DPP6: variants seen among roughly 807,000 people sequenced by gnomAD.
The protein encoded by DPP6 is dipeptidyl peptidase like 6, also known as A-type potassium channel modulatory protein DPP6.
A neutral mutation model predicts 122.6 loss-of-function variants in DPP6; 69 were observed. The ratio of observed to expected loss-of-function variants is 0.56; its 90% CI spans 0.46 to 0.69. DPP6 has a LOEUF of 0.69. DPP6 is among the 30% of genes least tolerant of loss of function. The pLI is 0.00. For synonymous variants in DPP6, 418 were observed against 433.1 expected (o/e 0.97, Z 0.43); for missense variants, 928 against 1,116.9 (o/e 0.83, Z 2.41).
intron 21 of DPP6, chr7:154,884,790 T>G (rs947243215): frequency 1.4e-4 from 21 of 152,166 alleles, no homozygotes; most frequent in Non-Finnish European, 2.1e-4. Flanking sequence ...TGCTCACATA[T>G]GCACACACTC....
intron 1 of DPP6, among the ~76,000 whole-genome samples, chr7:154,210,170 C>T (rs1208846262): frequency 6.6e-6 from 1 of 152,168 alleles, no homozygotes; most frequent in Non-Finnish European, 1.5e-5. Context: ...CCTCCTTGTC[C>T]AGCCAAGGGG....
chr7:153,967,619 T>C (rs1376255878), intron 1 of DPP6, among the ~76,000 whole-genome samples: 4 of 152,148 alleles, frequency 2.6e-5, no homozygotes, highest in Non-Finnish European at 5.9e-5. Context: ...ACAAAGCTCG[T>C]GTCCAACCTA....
At position 154,575,784 on chromosome 7, in the gene DPP6, T is replaced by C. The variant is rs922195254; in HGVS notation, c.627+8868T>C. Reference sequence around the variant, plus strand: ...TATGTGTGGTGTGTGTATGTATGTGTGGTGTGTGTATCTGTGTGTTTGTGT... The same window carrying C: ...TATGTGTGGTGTGTGTATGTATGTGCGGTGTGTGTATCTGTGTGTTTGTGT... On this transcript the variant is annotated intron_variant, in intron 5 of 25. Transcript: ENST00000377770. Among the ~76,000 whole-genome samples the C allele has an allele frequency of 6.8e-3, 1,021 of 151,126 alleles. 13 individuals are homozygous for C. The highest frequency in any genetic ancestry group is 0.022 in the African/African-American group (893 of 41,150).
chr7:154,880,971 C>T (rs1197673174), intron 21 of DPP6, 29 bp downstream of exon 21: 2 of 1,612,456 alleles, frequency 1.2e-6, no homozygotes, highest in Non-Finnish European at 1.7e-6. Context: ...GGTCTGAAAA[C>T]CCCTCAGTTC....
intron 7 of DPP6, among the ~76,000 whole-genome samples, chr7:154,707,176 G>A (rs1053755008): frequency 2.0e-5 from 3 of 152,210 alleles, no homozygotes; most frequent in African/African-American, 7.2e-5. Flanking sequence ...GCGGTCCTCT[G>A]TGGTAAGGAT....
At chr7:154,809,242 G>T (rs1272540825) in intron 16 of DPP6, among the ~76,000 whole-genome samples, 2 of 151,388 alleles carry the variant, frequency 1.3e-5, no homozygotes, top group African/African-American at 4.9e-5. Context: ...CAAATACAGG[G>T]TTTCTTTTTT....
rs1413820241 is a variant in DPP6, at chr7:154,661,853, CCA to C, written c.681-7506_681-7505del. ...ATGGTGAATCACCATGGCATATTGG[CCA>C]TAGTGTTCATATAGTCATGGTGAAT... On this transcript the variant is annotated intron_variant, in intron 6 of 25. Coordinates refer to ENST00000377770, the MANE Select transcript of DPP6 (RefSeq NM_130797.4). Among the ~76,000 whole-genome samples the C allele has an allele frequency of 2.5e-4, 37 of 145,898 alleles. 1 individual carries two copies. Among genetic ancestry groups the C allele is most frequent in the African/African-American group, 8.4e-4 (31 of 37,090 alleles).
chr7:154,235,288 T>C (rs2150860105), intron 1 of DPP6, among the ~76,000 whole-genome samples: 1 of 152,314 alleles, frequency 6.6e-6, no homozygotes, highest in Admixed American at 6.5e-5. Flanking sequence ...GTTTTCTTCA[T>C]CTGACTTCTT....
At chr7:154,359,558 C>A (rs182050049) in intron 1 of DPP6, among the ~76,000 whole-genome samples, 1 of 152,168 alleles carries the variant, frequency 6.6e-6, no homozygotes, top group African/African-American at 2.4e-5. Context: ...TGCTCATTTT[C>A]ATTTCTCCTC....
At chr7:153,777,349 A>G in the DPP6 span, among the ~76,000 whole-genome samples, 3 of 150,356 alleles carry the variant, frequency 2.0e-5, no homozygotes, top group Admixed American at 2.0e-4. Context: ...AATGTTAAAC[A>G]TGTATCTCCC....
At chr7:154,779,108 C>CCA (rs1796838767) in intron 10 of DPP6, among the ~76,000 whole-genome samples, 1 of 346 alleles carries the variant, frequency 2.9e-3, no homozygotes, top group African/African-American at 0.011. Context: ...CACCACCACC[C>CCA]CCACCATCAC....
intron 2 of DPP6, among the ~76,000 whole-genome samples, chr7:154,465,149 G>T (rs1821672252): frequency 6.6e-6 from 1 of 152,170 alleles, no homozygotes; most frequent in African/African-American, 2.4e-5. Flanking sequence ...AAAACCATGG[G>T]TAAGGAGGGG....
rs199759171 is a variant in DPP6 at position 154,565,512 on chromosome 7, CA to C, written c.553-1329del. 7.4e-3 allele frequency among the ~76,000 whole-genome samples: 1,120 copies of C among 152,184 alleles called. 18 individuals are homozygous for C. The highest frequency in any genetic ancestry group is 0.025 in the African/African-American group (1,043 of 41,506). ...ATGAGAAAACTAAGGTGCAGAGGAC[CA>C]TAATATGATGTCACTTTTTTTTTCT... On this transcript the variant is annotated intron_variant, in intron 4 of 25. Transcript: ENST00000377770.
chr7:154,372,429 G>A (rs533580780), intron 1 of DPP6, among the ~76,000 whole-genome samples: 4 of 152,246 alleles, frequency 2.6e-5, no homozygotes, highest in Admixed American at 6.5e-5. Flanking sequence ...CCCCCAACAC[G>A]CAGTGCCTGT....
In DPP6 at chr7:153,891,468, A is replaced by T. The variant is rs551673880; in HGVS notation, c.51+3734A>T. Among the ~76,000 whole-genome samples the T allele has an allele frequency of 1.4e-4, 22 of 152,276 alleles. No individual in the cohort carries two copies. In the South Asian group the frequency reaches 4.1e-3, roughly 29 times the overall value. On this transcript the variant is annotated intron_variant, in intron 1 of 25. Transcript: ENST00000404039. ...TTTTTACTTGCTCGAAACAAAAATT[A>T]TTTTTTTAAAAATAGCTGTTATTTT...
At chr7:154,690,716 C>A (rs1839886507) in intron 7 of DPP6, among the ~76,000 whole-genome samples, 1 of 152,134 alleles carries the variant, frequency 6.6e-6, no homozygotes, top group African/African-American at 2.4e-5. Context: ...GTGGAAACAC[C>A]CCACTATGAG....
intron 1 of DPP6, among the ~76,000 whole-genome samples, chr7:154,025,799 CAT>C (rs1160085040): frequency 6.6e-6 from 1 of 151,198 alleles, no homozygotes; most frequent in African/African-American, 2.4e-5. Context: ...ATATATTTCT[CAT>C]AGTAGATTGC....
chr7:154,050,757 G>A (rs1476561875), upstream of DPP6, among the ~76,000 whole-genome samples: 1 of 149,332 alleles, frequency 6.7e-6, no homozygotes, highest in Non-Finnish European at 1.5e-5. Flanking sequence ...TCGCTTAGCT[G>A]TTGCAATCCT....
intron 5 of DPP6, among the ~76,000 whole-genome samples, chr7:154,615,191 A>G (rs947014122): frequency 2.0e-5 from 3 of 146,420 alleles, no homozygotes; most frequent in African/African-American, 7.4e-5. Context: ...ACCAGAGCCA[A>G]ATAACTTCCT....
Sources: gnomAD v4.1 joint callset for allele counts (sites outside exome capture counted in the v4.1 genomes callset) on GRCh38, gnomAD v4.1.1 for gene constraint, MANE v1.5 for transcripts, NCBI Gene and HGNC (gene_info 2026-07-23, HGNC 2026-07-21) for gene names.